The following DLG2 variants were observed in gnomAD, a reference collection of about 807,000 sequenced individuals.
The protein encoded by DLG2 is discs large MAGUK scaffold protein 2, also known as disks large homolog 2.
A neutral mutation model predicts 132.5 loss-of-function variants in DLG2; 45 were observed. That is an observed-to-expected ratio of 0.34 (90% CI 0.27 to 0.44). DLG2 has a LOEUF of 0.44. Ranked by LOEUF, DLG2 falls within the 20% of genes least tolerant of loss-of-function variation. The pLI, the probability that DLG2 is intolerant of heterozygous loss-of-function variation, is 1.00. For missense variants in DLG2, 1,045 were observed against 1,196.9 expected (o/e 0.87, Z 1.87); for synonymous variants, 424 against 419.6 (o/e 1.01, Z -0.13).
At chr11:85,541,519 C>T (rs959658178) in intron 3 of DLG2, among the ~76,000 whole-genome samples, 1 of 150,842 alleles carries the variant, frequency 6.6e-6, no homozygotes, top group South Asian at 2.1e-4. Context: ...ATAATATATA[C>T]TAATGGGCCC....
intron 8 of DLG2, among the ~76,000 whole-genome samples, chr11:84,188,819 T>A (rs2096339616): frequency 6.6e-6 from 1 of 150,926 alleles, no homozygotes; most frequent in Non-Finnish European, 1.5e-5. Flanking sequence ...ATTATTTATT[T>A]AAAAAAAAAG....
chr11:83,726,024 C>G (rs951721820), intron 18 of DLG2, among the ~76,000 whole-genome samples: 3 of 152,016 alleles, frequency 2.0e-5, no homozygotes, highest in Non-Finnish European at 4.4e-5. Context: ...GCTAAAAAAC[C>G]CTATGAGGGA....
intron 6 of DLG2, among the ~76,000 whole-genome samples, chr11:84,688,444 G>T (rs2099740013): frequency 6.6e-6 from 1 of 152,102 alleles, no homozygotes; most frequent in South Asian, 2.1e-4. Context: ...ATTCAGTTAT[G>T]AAAAAAATAC....
intron 7 of DLG2, among the ~76,000 whole-genome samples, chr11:84,319,923 C>T (rs571700332): frequency 6.6e-6 from 1 of 152,280 alleles, no homozygotes; most frequent in Non-Finnish European, 1.5e-5. Flanking sequence ...ACAAACAAGA[C>T]TTTTCTTTTC....
intron 6 of DLG2, among the ~76,000 whole-genome samples, chr11:84,943,153 CGTGT>C (rs148197793): frequency 4.4e-5 from 6 of 136,362 alleles, no homozygotes; most frequent in South Asian, 2.4e-4. Flanking sequence ...ATTTTTGGGT[CGTGT>C]GTGTGTGTGC....
chr11:85,489,763 A>G (rs2093514764), intron 3 of DLG2, among the ~76,000 whole-genome samples: 1 of 152,214 alleles, frequency 6.6e-6, no homozygotes, highest in Non-Finnish European at 1.5e-5. Context: ...ACCAAGAGAA[A>G]CTTCAGAAGC....
At chr11:85,251,944 A>G (rs144886898) in intron 4 of DLG2, among the ~76,000 whole-genome samples, 3 of 152,338 alleles carry the variant, frequency 2.0e-5, no homozygotes, top group African/African-American at 4.8e-5. Flanking sequence ...AAAGACAATT[A>G]TAAAACCTGG....
At chr11:85,067,156 T>C (rs753386946) in intron 6 of DLG2, among the ~76,000 whole-genome samples, 66 of 151,924 alleles carry the variant, frequency 4.3e-4, no homozygotes, top group Non-Finnish European at 7.1e-4. Context: ...TATTCTCTGA[T>C]GGTAGTTTGT....
chr11:84,443,326 A>C (rs576843187), intron 7 of DLG2, among the ~76,000 whole-genome samples: 2 of 126,260 alleles, frequency 1.6e-5, no homozygotes, highest in Admixed American at 1.4e-4. Flanking sequence ...TATAGGTAAA[A>C]TCTCCACCCT....
intron 10 of DLG2, among the ~76,000 whole-genome samples, chr11:84,068,192 C>G (rs1594567093): frequency 6.6e-6 from 1 of 152,218 alleles, no homozygotes; most frequent in Admixed American, 6.5e-5. Context: ...GGGCTTCGGA[C>G]AGAAGGAGGA....
chr11:84,912,998 C>G (rs1050633774), intron 6 of DLG2, among the ~76,000 whole-genome samples: 1 of 151,962 alleles, frequency 6.6e-6, no homozygotes, highest in Admixed American at 6.6e-5. Context: ...CGGGGCAACA[C>G]AGTGAGAAAA....
chr11:85,524,385 C>A (rs998180213), intron 3 of DLG2, among the ~76,000 whole-genome samples: 6 of 150,664 alleles, frequency 4.0e-5, no homozygotes, highest in African/African-American at 1.5e-4. Flanking sequence ...TAATATGTAC[C>A]CACAAAAATT....
intron 3 of DLG2, among the ~76,000 whole-genome samples, chr11:85,353,885 G>A (rs777300200): frequency 6.6e-6 from 1 of 151,706 alleles, no homozygotes; most frequent in African/African-American, 2.4e-5. Context: ...AATACCTAAC[G>A]TAAATGATGA....
intron 18 of DLG2, among the ~76,000 whole-genome samples, chr11:83,741,801 G>A (rs1283430033): frequency 2.0e-5 from 3 of 151,878 alleles, no homozygotes; most frequent in Non-Finnish European, 4.4e-5. Flanking sequence ...GAGATCAGGA[G>A]AAAGAGACCA....
At chr11:84,685,863 T>C (rs894486392) in intron 6 of DLG2, among the ~76,000 whole-genome samples, 2 of 152,020 alleles carry the variant, frequency 1.3e-5, no homozygotes, top group African/African-American at 4.8e-5. Flanking sequence ...ATTTTTTGTA[T>C]TTTTTAGTAG....
At chr11:85,516,550 C>A (rs2153168271) in intron 3 of DLG2, among the ~76,000 whole-genome samples, 1 of 151,856 alleles carries the variant, frequency 6.6e-6, no homozygotes, top group Non-Finnish European at 1.5e-5. Context: ...CTAGATTGAC[C>A]AAGAAGAGAG....
intron 6 of DLG2, among the ~76,000 whole-genome samples, chr11:84,705,038 C>G (rs1046006555): frequency 1.5e-4 from 23 of 151,524 alleles, no homozygotes; most frequent in African/African-American, 5.6e-4. Context: ...AATTTAAGAA[C>G]AAACTTTTTA....
intron 6 of DLG2, among the ~76,000 whole-genome samples, chr11:85,009,189 G>A (rs1162467058): frequency 6.6e-6 from 1 of 152,032 alleles, no homozygotes; most frequent in African/African-American, 2.4e-5. Context: ...CCTTAAGAAT[G>A]CTTGTATAAG....
intron 19 of DLG2, among the ~76,000 whole-genome samples, chr11:83,590,010 A>G (rs2097159523): frequency 7.3e-6 from 1 of 136,862 alleles, no homozygotes; most frequent in Non-Finnish European, 1.6e-5. Context: ...AGTGACCTAC[A>G]AAGAGACTTA....
Sources: allele counts gnomAD v4.1 joint callset (sites outside exome capture counted in the v4.1 genomes callset), GRCh38; gene constraint gnomAD v4.1.1; transcripts MANE v1.5; gene names NCBI Gene and HGNC (gene_info 2026-07-23, HGNC 2026-07-21).